Variants in MCC observed in about 807,000 individuals in gnomAD.
MCC encodes the protein colorectal mutant cancer protein.
In MCC, 90 loss-of-function variants were observed where a neutral mutation model predicts 116.2. The observed-to-expected ratio is 0.77, with a 90% CI of 0.65 to 0.92. The LOEUF is 0.92. MCC is among the 40% of genes least tolerant of loss of function. The probability of loss-of-function intolerance (pLI) is 0.00; values close to 1 mark genes in which losing one functional copy is unlikely to be tolerated. For synonymous variants in MCC, 578 were observed against 510.5 expected (o/e 1.13, Z -1.78); for missense variants, 1,516 against 1,312.2 (o/e 1.16, Z -2.40).
intron 14 of MCC, among the ~76,000 whole-genome samples, chr5:113,054,404 ATAAAAAAGATACTCATGTGGTCAGAACT>A (rs1752679379): frequency 2.0e-5 from 3 of 152,236 alleles, no homozygotes. Context: ...TATATATGTA[ATAAAAAAGATACTCATGTGGTCAGAACT>A]TAAAAAAGGT....
At chr5:113,376,668 A>T (rs955545741) in intron 2 of MCC, among the ~76,000 whole-genome samples, 1 of 88,744 alleles carries the variant, frequency 1.1e-5, no homozygotes, top group African/African-American at 1.2e-4. Flanking sequence ...ACATAAAAAG[A>T]AAACTTCCAT....
chr5:113,153,010 T>C (rs1222992513), intron 3 of MCC, among the ~76,000 whole-genome samples: 5 of 152,096 alleles, frequency 3.3e-5, no homozygotes, highest in Non-Finnish European at 7.4e-5. Flanking sequence ...GATTGTTTTG[T>C]TTGGTGGAAG....
chr5:113,333,429 G>C lies in MCC; in HGVS notation c.627+7090C>G, dbSNP rs570473906. On this transcript the variant is annotated intron_variant, in intron 3 of 18. Transcript: ENST00000408903. ...AGTTTTTGACTGTTGGATACACAGA[G>C]GAGCAAAACTTGCTATGTCAGTTTT... Among the ~76,000 whole-genome samples the C allele has an allele frequency of 1.4e-4, 21 of 151,768 alleles. 2 individuals are homozygous for C. The highest frequency in any genetic ancestry group is 4.9e-4 in the African/African-American group (20 of 41,082).
chr5:113,082,810 G>A (rs370728493), intron 11 of MCC, 50 bp downstream of exon 11: 355 of 1,596,784 alleles, frequency 2.2e-4, no homozygotes, highest in Non-Finnish European at 2.6e-4. Context: ...GAAGTGAGGA[G>A]TAGCACCTCC....
chr5:113,304,411 G>A (rs570781155), intron 3 of MCC, among the ~76,000 whole-genome samples: 1 of 152,224 alleles, frequency 6.6e-6, no homozygotes, highest in East Asian at 1.9e-4. Context: ...AAGCACCCCC[G>A]TGGTGTTTGT....
At chr5:113,306,898 G>A (rs893461090) in intron 3 of MCC, among the ~76,000 whole-genome samples, 41 of 148,942 alleles carry the variant, frequency 2.8e-4, no homozygotes, top group African/African-American at 9.9e-4. Context: ...ACTTATTATT[G>A]AAAAAAAAAG....
intron 3 of MCC, among the ~76,000 whole-genome samples, chr5:113,241,332 G>A (rs1411320172): frequency 6.6e-6 from 1 of 152,178 alleles, no homozygotes; most frequent in Non-Finnish European, 1.5e-5. Flanking sequence ...GCAGAGGAGT[G>A]ATTTCAACAA....
chr5:113,439,360 G>A (rs916545792), intron 1 of MCC, among the ~76,000 whole-genome samples: 6 of 152,106 alleles, frequency 3.9e-5, no homozygotes, highest in African/African-American at 1.4e-4. Flanking sequence ...TGAGACACAC[G>A]AGGCCTTGAA....
At chr5:113,209,334 C>G (rs910660942) in intron 3 of MCC, among the ~76,000 whole-genome samples, 1 of 152,170 alleles carries the variant, frequency 6.6e-6, no homozygotes, top group Non-Finnish European at 1.5e-5. Context: ...TTATTGCTCC[C>G]AATTGTCATA....
intron 3 of MCC, among the ~76,000 whole-genome samples, chr5:113,290,120 A>G (rs1042880673): frequency 7.9e-5 from 12 of 152,340 alleles, no homozygotes; most frequent in Non-Finnish European, 1.6e-4. Flanking sequence ...TCTTCTATAC[A>G]ATTCTCCTTC....
chr5:113,285,908 A>G (rs57976246), intron 3 of MCC, among the ~76,000 whole-genome samples: 6,199 of 152,290 alleles, frequency 0.041, 448 homozygotes, highest in African/African-American at 0.14. Context: ...ACAAGATAAT[A>G]AATTACAGTC....
At chr5:113,354,782 G>GTATTATTATTATTAT (rs753455923) in intron 2 of MCC, among the ~76,000 whole-genome samples, 4 of 70,804 alleles carry the variant, frequency 5.6e-5, no homozygotes, top group African/African-American at 1.5e-4. Flanking sequence ...CATATACCCT[G>GTATTATTATTATTAT]TATTATTATT....
At chr5:113,171,881 C>T (rs1761090113) in intron 3 of MCC, among the ~76,000 whole-genome samples, 1 of 152,216 alleles carries the variant, frequency 6.6e-6, no homozygotes, top group Admixed American at 6.5e-5. Context: ...TGAGCCCCTA[C>T]ATAAGGAAGG....
intron 3 of MCC, among the ~76,000 whole-genome samples, chr5:113,205,415 AG>A (rs2150320931): frequency 6.6e-6 from 1 of 152,334 alleles, no homozygotes; most frequent in Admixed American, 6.5e-5. Context: ...ATCATAGAGA[AG>A]GTGGACAAAA....
At chr5:113,402,435 T>G (rs1195867743) in intron 1 of MCC, among the ~76,000 whole-genome samples, 1 of 152,062 alleles carries the variant, frequency 6.6e-6, no homozygotes, top group Non-Finnish European at 1.5e-5. Flanking sequence ...AATACAGGTG[T>G]GAGCCACTGC....
At chr5:113,224,438 T>C (rs1763661400) in intron 3 of MCC, among the ~76,000 whole-genome samples, 1 of 152,208 alleles carries the variant, frequency 6.6e-6, no homozygotes. Context: ...CCAACTATTT[T>C]TCTTTATTCA....
At chr5:113,423,133 T>C (rs965773508) in intron 1 of MCC, among the ~76,000 whole-genome samples, 8 of 152,256 alleles carry the variant, frequency 5.3e-5, no homozygotes, top group Non-Finnish European at 1.2e-4. Flanking sequence ...GATCTCATAC[T>C]GTAAACATCA....
chr5:113,274,858 T>C (rs1263088774), intron 3 of MCC, among the ~76,000 whole-genome samples: 1 of 152,176 alleles, frequency 6.6e-6, no homozygotes, highest in African/African-American at 2.4e-5. Context: ...AAATACTCAT[T>C]TCTGAATGAA....
In MCC at chr5:113,084,180, C is replaced by T. The variant is rs2150243928; in HGVS notation, c.1556G>A (p.Arg519Lys). The T allele has an allele frequency of 6.2e-7, 1 of 1,613,898 alleles. No individual in the cohort carries two copies. Among genetic ancestry groups the T allele is most frequent in the East Asian group, 2.2e-5 (1 of 44,882 alleles). The change falls in exon 10 of 19, where the codon AGG becomes AAG. Residue 519 changes from arginine to lysine, a missense_variant. Physicochemically the swap from Arg to Lys is conservative, Grantham distance 26. Transcript: ENST00000408903. ...GGACCTTGTCTTTGATAGCTTCACC[C>T]TCTCAGCAATCTTAAAAAAGAAAAC... ...NDIPIAKIAE[R>K]VKLSKTRSES...
Sources: gnomAD v4.1 joint callset for allele counts (sites outside exome capture counted in the v4.1 genomes callset) on GRCh38, gnomAD v4.1.1 for gene constraint, MANE v1.5 for transcripts, NCBI Gene and HGNC (gene_info 2026-07-23, HGNC 2026-07-21) for gene names.